The following RFX4 variants were observed in gnomAD, a reference collection of about 807,000 sequenced individuals.
RFX4 encodes regulatory factor X4.
A neutral mutation model predicts 95.0 loss-of-function variants in RFX4; 10 were observed. That is an observed-to-expected ratio of 0.11 (90% CI 0.06 to 0.18). The LOEUF is 0.18. Ranked by LOEUF, RFX4 falls within the 10% of genes least tolerant of loss-of-function variation. The probability of loss-of-function intolerance (pLI) is 1.00; values close to 1 mark genes in which losing one functional copy is unlikely to be tolerated. For synonymous variants in RFX4, 321 were observed against 340.7 expected (o/e 0.94, Z 0.64); for missense variants, 640 against 922.0 (o/e 0.69, Z 3.96).
chr12:106,716,075 GCTC>G (rs1249942786), intron 11 of RFX4, among the ~76,000 whole-genome samples: 1 of 152,262 alleles, frequency 6.6e-6, no homozygotes, highest in African/African-American at 2.4e-5. Context: ...CAGGTATACT[GCTC>G]CAAATATCAA....
chr12:106,686,298 C>G (rs1473117420), intron 5 of RFX4, among the ~76,000 whole-genome samples: 4 of 151,734 alleles, frequency 2.6e-5, no homozygotes, highest in Non-Finnish European at 5.9e-5. Context: ...GTAATCCCAG[C>G]TACTTAGGAG....
At chr12:106,684,786 A>AGAG (rs2137410302) in intron 5 of RFX4, 2 of 1,550,188 alleles carry the variant, frequency 1.3e-6, no homozygotes, top group Non-Finnish European at 1.7e-6. Context: ...CTCAGCACAA[A>AGAG]GAATTTTCTG....
At chr12:106,688,653 C>T (rs1473019626) in intron 6 of RFX4, among the ~76,000 whole-genome samples, 2 of 151,842 alleles carry the variant, frequency 1.3e-5, no homozygotes, top group Non-Finnish European at 2.9e-5. Context: ...CTTAAATTTG[C>T]TTTTTTGGTC....
At chr12:106,751,436 C>A (rs970783305) in intron 17 of RFX4, among the ~76,000 whole-genome samples, 3 of 151,596 alleles carry the variant, frequency 2.0e-5, no homozygotes, top group African/African-American at 4.9e-5. Context: ...ATTTATAGTC[C>A]TTTGGGTGTA....
At chr12:106,747,168 G>A (rs1341617683) in intron 15 of RFX4, among the ~76,000 whole-genome samples, 1 of 152,150 alleles carries the variant, frequency 6.6e-6, no homozygotes, top group African/African-American at 2.4e-5. Context: ...GAATGAGTGG[G>A]TAATAAGGCA....
chr12:106,606,731 TC>T (rs2039840636), intron 1 of RFX4, among the ~76,000 whole-genome samples: 1 of 152,164 alleles, frequency 6.6e-6, no homozygotes, highest in East Asian at 1.9e-4. Context: ...TCAGATATTT[TC>T]CCCCTACTTA....
At chr12:106,702,394 A>G (rs996945671) in intron 8 of RFX4, among the ~76,000 whole-genome samples, 6 of 152,076 alleles carry the variant, frequency 3.9e-5, no homozygotes, top group Non-Finnish European at 7.4e-5. Context: ...TGTTCCTATG[A>G]TTACCTTTAG....
rs56006444 is a variant in RFX4, at chr12:106,687,182, T to TCACACACACACA, written c.591+118_591+129dup. ...CTCTGTCTCTATCTCTCTCTCTCTC[T>TCACACACACACA]CACACACACACACACACACACACAC... On this transcript the variant is annotated intron_variant, in intron 6 of 17. Coordinates refer to ENST00000392842, the MANE Select transcript of RFX4 (RefSeq NM_213594.3). 5.5e-6 allele frequency: 3 copies of TCACACACACACA among 547,112 alleles called. No homozygotes were observed. In the African/African-American group the frequency reaches 6.4e-5, roughly 12 times the overall value. 33.9% of individuals were successfully genotyped at this position (547,112 alleles called of 1,614,324 possible). A position where few individuals can be genotyped will look rare whatever the true frequency, so the allele number is the denominator to read the frequency against.
intron 15 of RFX4, among the ~76,000 whole-genome samples, chr12:106,744,721 G>A (rs1044991251): frequency 1.3e-5 from 2 of 152,194 alleles, no homozygotes; most frequent in African/African-American, 4.8e-5. Context: ...CAACGGTAGA[G>A]AGTAGAAAGT....
At chr12:106,628,042 G>GA (rs1449977582) in intron 2 of RFX4, among the ~76,000 whole-genome samples, 27 of 152,180 alleles carry the variant, frequency 1.8e-4, no homozygotes, top group Admixed American at 1.8e-3. Flanking sequence ...CCAGGTTCGA[G>GA]ACTGCTAGCT....
At chr12:106,704,321 G>A (rs534005831) in intron 8 of RFX4, among the ~76,000 whole-genome samples, 10 of 152,288 alleles carry the variant, frequency 6.6e-5, no homozygotes, top group Admixed American at 3.9e-4. Context: ...AAAAAATCAC[G>A]TGGTTACATA....
chr12:106,689,480 A>G, intron 7 of RFX4, 116 bp downstream of exon 7: 2 of 787,322 alleles, frequency 2.5e-6, no homozygotes, highest in Non-Finnish European at 4.4e-6. Flanking sequence ...CCCTTCCTGG[A>G]TACCCATTAG....
At position 106,761,277 on chromosome 12, in the gene RFX4, T is replaced by C; in HGVS notation, c.2016T>C (p.Thr672=). The change falls in exon 18 of 18, where the codon ACT becomes ACC. Residue 672 remains threonine (T), a synonymous_variant. Coordinates refer to ENST00000392842, the MANE Select transcript of RFX4 (RefSeq NM_213594.3). ...STPRLHPTPV[T]PRWPEVPSAN... ...CCAGACTGCATCCTACCCCAGTCAC[T>C]CCCCGCTGGCCAGAGGTGCCCTCAG... 6.2e-7 allele frequency: 1 copy of C among 1,614,026 alleles called. No homozygotes were observed. Among genetic ancestry groups the C allele is most frequent in the Admixed American group, 1.7e-5 (1 of 60,002 alleles).
intron 17 of RFX4, among the ~76,000 whole-genome samples, chr12:106,753,339 A>G (rs1164973664): frequency 6.6e-6 from 1 of 152,024 alleles, no homozygotes; most frequent in African/African-American, 2.4e-5. Context: ...ATGGGCATTC[A>G]TGGCAATCAT....
intron 1 of RFX4, among the ~76,000 whole-genome samples, chr12:106,587,305 C>T (rs886701084): frequency 1.3e-5 from 2 of 152,222 alleles, no homozygotes; most frequent in Non-Finnish European, 1.5e-5. Flanking sequence ...CCGTCCCCAG[C>T]GCGTCACCAT....
At chr12:106,651,672 GC>G (rs1024742203) in intron 3 of RFX4, among the ~76,000 whole-genome samples, 5 of 152,180 alleles carry the variant, frequency 3.3e-5, no homozygotes, top group African/African-American at 7.2e-5. Flanking sequence ...GCCTACAGGA[GC>G]CAGACAAGGA....
intron 3 of RFX4, among the ~76,000 whole-genome samples, chr12:106,650,124 C>A (rs1047305435): frequency 6.6e-6 from 1 of 152,142 alleles, no homozygotes; most frequent in African/African-American, 2.4e-5. Flanking sequence ...ATTGATCATG[C>A]CACTCCCATG....
At chr12:106,661,839 C>G (rs2041080389) in intron 4 of RFX4, among the ~76,000 whole-genome samples, 2 of 152,192 alleles carry the variant, frequency 1.3e-5, no homozygotes, top group South Asian at 4.1e-4. Context: ...AGATTGGCCT[C>G]TTTCCATTCA....
At chr12:106,709,471 A>G in intron 9 of RFX4, 41 bp downstream of exon 9, 1 of 1,463,640 alleles carries the variant, frequency 6.8e-7, no homozygotes. Context: ...AGAGAATTAC[A>G]TTTTAGTGCC....
Sources: allele counts gnomAD v4.1 joint callset (sites outside exome capture counted in the v4.1 genomes callset), GRCh38; gene constraint gnomAD v4.1.1; transcripts MANE v1.5; gene names NCBI Gene and HGNC (gene_info 2026-07-23, HGNC 2026-07-21).